Variants in AGBL4 observed in about 807,000 individuals in gnomAD.
The protein encoded by AGBL4 is AGBL carboxypeptidase 4, also known as cytosolic carboxypeptidase 6.
In AGBL4, 58 loss-of-function variants were observed where a neutral mutation model predicts 66.4. The observed-to-expected ratio is 0.87, with a 90% confidence interval of 0.71 to 1.09. The LOEUF is 1.09. Ranked by LOEUF, AGBL4 falls within the 50% of genes least tolerant of loss-of-function variation. The pLI is 0.00. For missense variants in AGBL4, 579 were observed against 631.0 expected, an observed-to-expected ratio of 0.92 and a Z score of 0.88; for synonymous variants, 234 against 222.9, an observed-to-expected ratio of 1.05 and a Z score of -0.44.
intron 2 of AGBL4, among the ~76,000 whole-genome samples, chr1:49,737,846 T>C (rs771711485): frequency 5.3e-5 from 8 of 152,202 alleles, no homozygotes; most frequent in Non-Finnish European, 8.8e-5. Flanking sequence ...AAGATAGTCT[T>C]AGATGGCCGA....
At chr1:49,717,389 A>C (rs1648234375) in intron 2 of AGBL4, among the ~76,000 whole-genome samples, 1 of 152,040 alleles carries the variant, frequency 6.6e-6, no homozygotes, top group African/African-American at 2.4e-5. Context: ...TTAGCATTTT[A>C]TTCAGAGTAA....
chr1:49,117,127 T>C (rs1645542299), intron 4 of AGBL4, among the ~76,000 whole-genome samples: 1 of 152,154 alleles, frequency 6.6e-6, no homozygotes, highest in Non-Finnish European at 1.5e-5. Flanking sequence ...TAGCCCTTTG[T>C]CAGATTGGTA....
intron 4 of AGBL4, among the ~76,000 whole-genome samples, chr1:49,208,943 C>T (rs1442396046): frequency 6.6e-6 from 1 of 151,900 alleles, no homozygotes; most frequent in Admixed American, 6.6e-5. Flanking sequence ...TCCAAGAAAA[C>T]CAGATGAAGA....
intron 3 of AGBL4, among the ~76,000 whole-genome samples, chr1:49,645,334 A>G (rs1645863699): frequency 6.6e-6 from 1 of 151,546 alleles, no homozygotes; most frequent in South Asian, 2.1e-4. Context: ...GTATAAAAAG[A>G]GAATACATAA....
At chr1:49,869,931 A>G (rs949236163) in intron 1 of AGBL4, among the ~76,000 whole-genome samples, 2 of 152,254 alleles carry the variant, frequency 1.3e-5, no homozygotes, top group East Asian at 3.9e-4. Flanking sequence ...AATTTCTTGT[A>G]TATTTCAAAT....
chr1:49,382,267 T>A (rs1017984284), intron 3 of AGBL4, among the ~76,000 whole-genome samples: 1 of 152,112 alleles, frequency 6.6e-6, no homozygotes, highest in Non-Finnish European at 1.5e-5. Context: ...TTTTACTTCA[T>A]CAAGATTTGA....
chr1:49,889,773 A>G (rs937922139), intron 1 of AGBL4, among the ~76,000 whole-genome samples: 7 of 152,124 alleles, frequency 4.6e-5, no homozygotes, highest in African/African-American at 1.7e-4. Context: ...AAAAAGAAAT[A>G]ATCAGGTTTT....
intron 1 of AGBL4, among the ~76,000 whole-genome samples, chr1:49,937,095 A>G (rs1438749527): frequency 4.6e-5 from 7 of 152,200 alleles, no homozygotes; most frequent in African/African-American, 1.7e-4. Context: ...CAGGAAACCC[A>G]TCTCATGTGC....
intron 11 of AGBL4, among the ~76,000 whole-genome samples, chr1:48,567,736 A>T (rs1644499036): frequency 6.6e-6 from 1 of 152,228 alleles, no homozygotes; most frequent in Non-Finnish European, 1.5e-5. Context: ...GGGTAGGAGC[A>T]GATGGCACGT....
intron 1 of AGBL4, chr1:49,995,074 G>C: frequency 4.4e-6 from 2 of 454,734 alleles, no homozygotes; most frequent in South Asian, 1.6e-5. Context: ...AAAGACTACA[G>C]GGAGAAGGAA....
intron 9 of AGBL4, among the ~76,000 whole-genome samples, chr1:48,602,111 T>A (rs1387186498): frequency 6.6e-6 from 1 of 152,120 alleles, no homozygotes; most frequent in African/African-American, 2.4e-5. Context: ...GTGGCCTGAA[T>A]GCTTGGGGAC....
At chr1:48,587,294 A>C in intron 10 of AGBL4, 128 bp from the exon 11 acceptor site, 1 of 890,042 alleles carries the variant, frequency 1.1e-6, no homozygotes, top group Non-Finnish European at 1.7e-6. Context: ...CCCTCATCAC[A>C]TGATTATTAT....
intron 2 of AGBL4, among the ~76,000 whole-genome samples, chr1:49,741,503 C>T (rs1029684216): frequency 6.6e-6 from 1 of 152,178 alleles, no homozygotes; most frequent in East Asian, 1.9e-4. Flanking sequence ...CCTTCTGAAA[C>T]TATTCCAATC....
Position 49,245,795 on chromosome 1 carries a change from C to A in AGBL4, c.352G>T (p.Val118Leu), listed in dbSNP as rs951346276. 1 of 1,549,468 alleles carries A rather than the reference C, an allele frequency of 6.5e-7. No individual in the cohort carries two copies. Among genetic ancestry groups the A allele is most frequent in the African/African-American group, 1.4e-5 (1 of 72,928 alleles). The change falls in exon 4 of 14, where the codon GTG (valine) becomes TTG (leucine). Residue 118 changes from valine (V) to leucine (L), a missense_variant. Val to Leu is a conservative substitution (Grantham distance 32, BLOSUM62 1). Coordinates refer to ENST00000371839, the MANE Select transcript of AGBL4 (RefSeq NM_032785.4). ...SLYRDGMAPM[V>L]KSTSRPKWQR... is the part of the protein sequence containing the mutation. The stretch of plus-strand genomic sequence containing the variant: ...CATTTTGGTCTGCTGGTAGATTTCA[C>A]CATAGGGGCCATCCCATCTCTATAG...
intron 3 of AGBL4, among the ~76,000 whole-genome samples, chr1:49,602,453 C>G (rs1055421300): frequency 3.3e-5 from 5 of 151,952 alleles, no homozygotes; most frequent in African/African-American, 1.2e-4. Flanking sequence ...AAATGCCCAT[C>G]AATGATAGAC....
Position 49,473,583 on chromosome 1 carries a change from G to A in AGBL4, c.282+223730C>T, listed in dbSNP as rs555828086. 2.0e-5 allele frequency among the ~76,000 whole-genome samples: 3 copies of A among 152,122 alleles called. No individual in the cohort carries two copies. In the South Asian group the frequency reaches 6.2e-4, roughly 32 times the overall value. On this transcript the variant is annotated intron_variant, in intron 3 of 13. Transcript: ENST00000371839. The stretch of plus-strand genomic sequence containing the variant: ...TAAAATTTTTCTTATTCTGTAGGTT[G>A]TCTGTTTGCTCTCTTGATAGTTTAT...
intron 5 of AGBL4, among the ~76,000 whole-genome samples, chr1:48,928,033 A>G (rs540847649): frequency 1.3e-5 from 2 of 152,346 alleles, no homozygotes; most frequent in Non-Finnish European, 2.9e-5. Context: ...AAAAATGCAC[A>G]GTTCAAGATC....
intron 2 of AGBL4, among the ~76,000 whole-genome samples, chr1:49,785,570 C>A (rs1644432266): frequency 6.6e-6 from 1 of 151,906 alleles, no homozygotes; most frequent in Non-Finnish European, 1.5e-5. Context: ...GTATTAATAT[C>A]CTATTTCAGG....
intron 2 of AGBL4, among the ~76,000 whole-genome samples, chr1:49,785,728 T>C (rs1644436150): frequency 6.6e-6 from 1 of 151,768 alleles, no homozygotes; most frequent in Non-Finnish European, 1.5e-5. Context: ...TGCCACCTAC[T>C]CACAAAATTT....
Sources: gnomAD v4.1 joint callset for allele counts (sites outside exome capture counted in the v4.1 genomes callset) on GRCh38, gnomAD v4.1.1 for gene constraint, MANE v1.5 for transcripts, NCBI Gene and HGNC (gene_info 2026-07-23, HGNC 2026-07-21) for gene names.